DLGAP4: variants seen among roughly 807,000 people sequenced by gnomAD.
DLGAP4 encodes disks large-associated protein 4.
DLGAP4 carries 18 observed loss-of-function variants against 86.9 expected under a neutral mutation model. That is an observed-to-expected ratio of 0.21 (90% CI 0.14 to 0.31). The LOEUF is 0.31. Ranked by LOEUF, DLGAP4 falls within the 10% of genes least tolerant of loss-of-function variation. DLGAP4 has a pLI of 1.00. For missense variants in DLGAP4, 1,085 were observed against 1,362.6 expected (o/e 0.80, Z 3.21); for synonymous variants, 548 against 574.3 (o/e 0.95, Z 0.65).
At chr20:36,429,402 T>C (rs1446486883) in intron 2 of DLGAP4, among the ~76,000 whole-genome samples, 2 of 57,088 alleles carry the variant, frequency 3.5e-5, no homozygotes, top group Non-Finnish European at 7.5e-5. Context: ...TTTTTTCTTT[T>C]TTTTTTTTTT....
intron 1 of DLGAP4, among the ~76,000 whole-genome samples, chr20:36,348,352 C>A (rs1170801069): frequency 6.6e-6 from 1 of 152,214 alleles, no homozygotes; most frequent in African/African-American, 2.4e-5. Context: ...GCTATGGCCA[C>A]CTTTTGAGTG....
intron 2 of DLGAP4, among the ~76,000 whole-genome samples, chr20:36,402,896 G>A (rs1315850830): frequency 1.3e-5 from 2 of 152,198 alleles, no homozygotes; most frequent in Non-Finnish European, 2.9e-5. Context: ...TAGCCTGGGT[G>A]TGTTGGATTC....
intron 1 of DLGAP4, among the ~76,000 whole-genome samples, chr20:36,307,286 G>A (rs1423193448): frequency 1.3e-5 from 2 of 152,210 alleles, no homozygotes; most frequent in Non-Finnish European, 2.9e-5. Context: ...TGGACCAGGT[G>A]GCCGCGGGGA....
At chr20:36,497,135 G>A (rs2035922784) in intron 8 of DLGAP4, 69 bp downstream of exon 8, 1 of 1,519,918 alleles carries the variant, frequency 6.6e-7, no homozygotes, top group Non-Finnish European at 8.8e-7. Flanking sequence ...AATTACATCT[G>A]GTAGAGGCCC....
chr20:36,379,921 C>G (rs1441645262), intron 2 of DLGAP4, among the ~76,000 whole-genome samples: 1 of 152,174 alleles, frequency 6.6e-6, no homozygotes, highest in Non-Finnish European at 1.5e-5. Context: ...ATGGCTCATA[C>G]CTGTAATCCA....
rs1555919312 is a variant in DLGAP4, at chr20:36,527,266, C to CA, written c.*235_*236insA. The stretch of plus-strand genomic sequence containing the variant: ...CAACAAAAATCACGAAACTAGAAAA[C>CA]TTTTTTTTTCCTCTTGCTGGCCGTG... On this transcript the variant is annotated 3_prime_UTR_variant, in exon 13 of 13. Transcript: ENST00000339266. 18 of 432,932 alleles carry CA rather than the reference C, an allele frequency of 4.2e-5. No individual in the cohort carries two copies. Among genetic ancestry groups the CA allele is most frequent in the African/African-American group, 1.8e-4 (9 of 49,748 alleles). 26.8% of individuals were successfully genotyped at this position (432,932 alleles called of 1,614,324 possible).
At chr20:36,474,340 AG>A (rs1224430691) in intron 7 of DLGAP4, among the ~76,000 whole-genome samples, 2 of 152,128 alleles carry the variant, frequency 1.3e-5, no homozygotes, top group African/African-American at 4.8e-5. Context: ...AAGGGGAAGA[AG>A]GGCAGACTGT....
At chr20:36,461,094 C>G (rs1193497378) in intron 7 of DLGAP4, among the ~76,000 whole-genome samples, 3 of 152,138 alleles carry the variant, frequency 2.0e-5, no homozygotes, top group African/African-American at 4.8e-5. Flanking sequence ...CGAGGTGTCG[C>G]TGGGGTGAAC....
At chr20:36,509,307 A>C (rs1177675644) in intron 10 of DLGAP4, among the ~76,000 whole-genome samples, 1 of 152,152 alleles carries the variant, frequency 6.6e-6, no homozygotes, top group Non-Finnish European at 1.5e-5. Context: ...GCAGTGGCTC[A>C]TGCTTATAAT....
chr20:36,348,659 C>G (rs965472328), intron 1 of DLGAP4, among the ~76,000 whole-genome samples: 1 of 151,952 alleles, frequency 6.6e-6, no homozygotes, highest in Non-Finnish European at 1.5e-5. Context: ...CCTTGTGATC[C>G]GCCCACTTCG....
chr20:36,525,264 C>T (rs541163637), intron 11 of DLGAP4, among the ~76,000 whole-genome samples: 296 of 99,034 alleles, frequency 3.0e-3, no homozygotes, highest in African/African-American at 0.011. Flanking sequence ...ACAAAGAAAT[C>T]CCACTGCTGG....
rs1045052791 is a variant in DLGAP4, at chr20:36,527,607, C to G, written c.*576C>G. 6.5e-6 allele frequency: 1 copy of G among 152,978 alleles called. No individual in the cohort carries two copies. The highest frequency in any genetic ancestry group is 2.4e-5 in the African/African-American group (1 of 41,470). The allele number at this position is 152,978 out of a possible 1,614,324, so 9.5% of individuals were successfully genotyped here. A position where few individuals can be genotyped will look rare whatever the true frequency, so the allele number is the denominator to read the frequency against. ...AGAGAGATGGACATGCGTCCCCTCC[C>G]TCCCCCCGCCAAGTGCTCACACACA... is the stretch of plus-strand genomic sequence containing the variant. On this transcript the variant is annotated 3_prime_UTR_variant, in exon 13 of 13. Transcript: ENST00000339266.
chr20:36,457,280 G>A (rs550397460), intron 7 of DLGAP4, among the ~76,000 whole-genome samples: 12 of 151,798 alleles, frequency 7.9e-5, no homozygotes, highest in Admixed American at 2.0e-4. Flanking sequence ...GTGCAGTAGC[G>A]AGATCTTGGC....
chr20:36,520,871 T>C (rs1361801438), intron 10 of DLGAP4, among the ~76,000 whole-genome samples: 1 of 152,106 alleles, frequency 6.6e-6, no homozygotes, highest in Admixed American at 6.5e-5. Flanking sequence ...CTCCCTCTGT[T>C]ACCCAGGCCG....
chr20:36,378,852 G>C (rs1022960909), intron 2 of DLGAP4, among the ~76,000 whole-genome samples: 6 of 152,088 alleles, frequency 3.9e-5, no homozygotes, highest in African/African-American at 7.2e-5. Context: ...GTAGAAAGTG[G>C]GTGGTGGGAA....
chr20:36,333,196 C>T (rs2065287627), intron 1 of DLGAP4, among the ~76,000 whole-genome samples: 1 of 152,136 alleles, frequency 6.6e-6, no homozygotes, highest in African/African-American at 2.4e-5. Context: ...TTGAGGGTCA[C>T]AGAGGATGGG....
chr20:36,340,366 A>G (rs1463041024), intron 1 of DLGAP4, among the ~76,000 whole-genome samples: 1 of 151,978 alleles, frequency 6.6e-6, no homozygotes, highest in Non-Finnish European at 1.5e-5. Context: ...GCCCGGCCCC[A>G]TGCTGTGGTT....
intron 2 of DLGAP4, among the ~76,000 whole-genome samples, chr20:36,387,587 A>G (rs2031642073): frequency 6.6e-6 from 1 of 152,166 alleles, no homozygotes; most frequent in Non-Finnish European, 1.5e-5. Context: ...GGTCATAAAG[A>G]TAATTCTAGA....
chr20:36,443,052 C>T (rs1394674181), intron 6 of DLGAP4, among the ~76,000 whole-genome samples: 1 of 152,214 alleles, frequency 6.6e-6, no homozygotes, highest in Non-Finnish European at 1.5e-5. Flanking sequence ...GAAACAACTC[C>T]AGGACTCCTG....
Sources: gnomAD v4.1 joint callset for allele counts (sites outside exome capture counted in the v4.1 genomes callset) on GRCh38, gnomAD v4.1.1 for gene constraint, MANE v1.5 for transcripts, NCBI Gene and HGNC (gene_info 2026-07-23, HGNC 2026-07-21) for gene names.